The following LPP variants were observed in gnomAD, a reference collection of about 807,000 sequenced individuals.
LPP encodes lipoma-preferred partner.
In LPP, 38 loss-of-function variants were observed where a neutral mutation model predicts 60.4. That is an observed-to-expected ratio of 0.63 (90% confidence interval 0.49 to 0.83). The LOEUF is 0.83. Among genes scored for constraint, LPP ranks in the 40% least tolerant of loss-of-function variants. The probability of loss-of-function intolerance (pLI) is 0.00; values close to 1 mark genes in which losing one functional copy is unlikely to be tolerated. For synonymous variants in LPP, 328 were observed against 290.8 expected (o/e 1.13, Z -1.30); for missense variants, 902 against 783.6 (o/e 1.15, Z -1.80).
At chr3:188,588,865 A>G (rs1838071822) in intron 6 of LPP, among the ~76,000 whole-genome samples, 1 of 152,078 alleles carries the variant, frequency 6.6e-6, no homozygotes, top group Non-Finnish European at 1.5e-5. Context: ...ACCTCCGAAG[A>G]TACGGCTCAG....
At chr3:188,724,629 A>T (rs1469962982) in intron 8 of LPP, among the ~76,000 whole-genome samples, 1 of 152,188 alleles carries the variant, frequency 6.6e-6, no homozygotes, top group Non-Finnish European at 1.5e-5. Context: ...TTTGTTGTTA[A>T]TAACACTTGA....
intron 6 of LPP, among the ~76,000 whole-genome samples, chr3:188,586,395 G>A (rs1395802289): frequency 1.3e-5 from 2 of 152,156 alleles, no homozygotes; most frequent in East Asian, 3.9e-4. Flanking sequence ...TACAAGCACA[G>A]TAAATTATGA....
chr3:188,607,165 A>C (rs186658175), intron 6 of LPP, among the ~76,000 whole-genome samples: 1 of 125,366 alleles, frequency 8.0e-6, no homozygotes, highest in Non-Finnish European at 1.7e-5. Context: ...ACACACACAC[A>C]CTATTTAAAC....
At position 188,886,963 on chromosome 3, in the gene LPP, C is replaced by T; in HGVS notation, c.*12484C>T. On this transcript the variant is annotated 3_prime_UTR_variant, in exon 12 of 12. Coordinates refer to ENST00000617246, the MANE Select transcript of LPP (RefSeq NM_001375462.1). ...AAGCAATTTGAGGTGGGGGTGGAAA[C>T]AGGTATTTATCTCTCATGCGTGATT... 1 of 231,364 alleles carries T rather than the reference C, an allele frequency of 4.3e-6. No individual in the cohort carries two copies. The highest frequency in any genetic ancestry group is 5.6e-5 in the Admixed American group (1 of 17,714). 14.3% of individuals were successfully genotyped at this position (231,364 alleles called of 1,614,324 possible). A position where few individuals can be genotyped will look rare whatever the true frequency, so the allele number is the denominator to read the frequency against.
At chr3:188,527,348 G>GAA (rs57075465) in intron 6 of LPP, among the ~76,000 whole-genome samples, 21 of 73,648 alleles carry the variant, frequency 2.9e-4, no homozygotes, top group African/African-American at 5.8e-4. Flanking sequence ...GACTCCATCT[G>GAA]AAAAAAAAAA....
chr3:188,337,034 C>T (rs1384397053), intron 2 of LPP, among the ~76,000 whole-genome samples: 1 of 152,126 alleles, frequency 6.6e-6, no homozygotes, highest in Non-Finnish European at 1.5e-5. Context: ...TCCCAGGAGG[C>T]AGGGTACTGC....
chr3:188,791,089 T>C (rs35377125), intron 9 of LPP, among the ~76,000 whole-genome samples: 21,191 of 152,130 alleles, frequency 0.14, 1,542 homozygotes, highest in Middle Eastern at 0.19. Flanking sequence ...GCTTTTCTTG[T>C]ATCTTGCAGT....
intron 8 of LPP, among the ~76,000 whole-genome samples, chr3:188,729,488 G>C (rs541390806): frequency 6.8e-4 from 103 of 152,322 alleles, no homozygotes; most frequent in Middle Eastern, 3.4e-3. Flanking sequence ...CCACTTAATA[G>C]GGAATAATGG....
At position 188,485,053 on chromosome 3, in the gene LPP, A is replaced by G. The variant is rs537347604; in HGVS notation, c.306+349A>G. The stretch of plus-strand genomic sequence containing the variant: ...CATACAGCCATGTCTTTTTATTGCT[A>G]TGTTCTCTATCTTCAAACATTGCAT... On this transcript the variant is annotated intron_variant, in intron 5 of 11. Transcript: ENST00000617246. Among the ~76,000 whole-genome samples the G allele has an allele frequency of 1.6e-3, 242 of 152,210 alleles. 2 individuals carry two copies. Among genetic ancestry groups the G allele is most frequent in the African/African-American group, 5.4e-3 (223 of 41,522 alleles).
intron 9 of LPP, among the ~76,000 whole-genome samples, chr3:188,814,251 C>A (rs1452061110): frequency 6.6e-6 from 1 of 151,950 alleles, no homozygotes; most frequent in East Asian, 1.9e-4. Context: ...AGAAGGTTGC[C>A]CTAAAATATA....
rs71169019 is a variant in LPP, at chr3:188,765,861, C to CTTTTTTTTTTTTT, written c.1410+5593_1410+5605dup. ...GCAACGTGCAACTTAATGTTCAACT[C>CTTTTTTTTTTTTT]TTTTTTTTTTTTTTTTTTTTTTTTT... On this transcript the variant is annotated intron_variant, in intron 9 of 11. Coordinates refer to ENST00000617246, the MANE Select transcript of LPP (RefSeq NM_001375462.1). 2.2e-5 allele frequency among the ~76,000 whole-genome samples: 2 copies of CTTTTTTTTTTTTT among 92,618 alleles called. 1 individual carries two copies. Among genetic ancestry groups the CTTTTTTTTTTTTT allele is most frequent in the Admixed American group, 2.6e-4 (2 of 7,740 alleles). 60.8% of individuals were successfully genotyped at this position (92,618 alleles called of 152,430 possible). A position where few individuals can be genotyped will look rare whatever the true frequency, so the allele number is the denominator to read the frequency against.
At chr3:188,449,473 C>A (rs1005463287) in intron 4 of LPP, among the ~76,000 whole-genome samples, 6 of 152,082 alleles carry the variant, frequency 3.9e-5, no homozygotes, top group Admixed American at 3.9e-4. Context: ...ATATGCTAGG[C>A]TCTCTTTCAA....
At chr3:188,806,691 CTT>C (rs1469109842) in intron 9 of LPP, among the ~76,000 whole-genome samples, 1 of 151,744 alleles carries the variant, frequency 6.6e-6, no homozygotes, top group Non-Finnish European at 1.5e-5. Flanking sequence ...TATTTATACT[CTT>C]GATTTTAATG....
At chr3:188,638,184 T>A (rs1296279316) in intron 7 of LPP, among the ~76,000 whole-genome samples, 1 of 131,194 alleles carries the variant, frequency 7.6e-6, no homozygotes, top group Non-Finnish European at 1.7e-5. Context: ...GTGGGCTTCA[T>A]CCCTGGGATG....
intron 3 of LPP, among the ~76,000 whole-genome samples, chr3:188,345,359 G>T (rs1764051765): frequency 1.3e-5 from 2 of 152,146 alleles, no homozygotes; most frequent in Admixed American, 6.6e-5. Context: ...AAAGACTGTG[G>T]ATTCCCTTGC....
chr3:188,885,511 G>T lies in LPP; in HGVS notation c.*11032G>T. ...TGCCTCACCTCCATGGTGTATATGTGCCACCTTTTCTTAATCCAGTCTATC... is the reference window on the plus strand; with the variant it reads ...TGCCTCACCTCCATGGTGTATATGTTCCACCTTTTCTTAATCCAGTCTATC... On this transcript the variant is annotated 3_prime_UTR_variant, in exon 12 of 12. Transcript: ENST00000617246. 5.5e-6 allele frequency: 1 copy of T among 181,110 alleles called. No individual in the cohort carries two copies. Among genetic ancestry groups the T allele is most frequent in the East Asian group, 9.1e-5 (1 of 11,022 alleles). 11.2% of individuals were successfully genotyped at this position (181,110 alleles called of 1,614,324 possible). A position where few individuals can be genotyped will look rare whatever the true frequency, so the allele number is the denominator to read the frequency against.
intron 8 of LPP, among the ~76,000 whole-genome samples, chr3:188,722,052 C>T (rs1716624755): frequency 6.6e-6 from 1 of 152,138 alleles, no homozygotes; most frequent in Non-Finnish European, 1.5e-5. Context: ...CCTCAGAGTT[C>T]TGGAGAATTG....
chr3:188,841,086 G>T (rs1759843104), intron 9 of LPP, among the ~76,000 whole-genome samples: 1 of 152,196 alleles, frequency 6.6e-6, no homozygotes, highest in Non-Finnish European at 1.5e-5. Flanking sequence ...CACCAGGGCT[G>T]TAGTTAACTG....
At chr3:188,265,434 G>GGT (rs1735153287) in intron 2 of LPP, among the ~76,000 whole-genome samples, 1 of 152,122 alleles carries the variant, frequency 6.6e-6, no homozygotes, top group Non-Finnish European at 1.5e-5. Flanking sequence ...CTGGTGTCTG[G>GGT]GGAAGGGAGG....
Sources: allele counts gnomAD v4.1 joint callset (sites outside exome capture counted in the v4.1 genomes callset), GRCh38; gene constraint gnomAD v4.1.1; transcripts MANE v1.5; gene names NCBI Gene and HGNC (gene_info 2026-07-23, HGNC 2026-07-21).